PRIM2: variants seen among roughly 807,000 people sequenced by gnomAD.
PRIM2 encodes DNA primase large subunit.
Under a neutral mutation model 67.3 loss-of-function variants are expected in PRIM2, and 39 were observed. That is an observed-to-expected ratio of 0.58 (90% CI 0.45 to 0.76). The LOEUF is 0.76. Ranked by LOEUF, PRIM2 falls within the 30% of genes least tolerant of loss-of-function variation. The pLI is 0.00. For synonymous variants in PRIM2, 143 were observed against 198.7 expected, an observed-to-expected ratio of 0.72 and a Z score of 2.36; for missense variants, 398 against 598.7, an observed-to-expected ratio of 0.66 and a Z score of 3.50.
chr6:57,579,460 CTGTT>C (rs1468036576), intron 10 of PRIM2, among the ~76,000 whole-genome samples: 1 of 152,046 alleles, frequency 6.6e-6, no homozygotes, highest in East Asian at 1.9e-4. Flanking sequence ...TTTTGGTTGT[CTGTT>C]ATGTAGTAAT....
chr6:57,264,594 C>CTTTT, the PRIM2 span, among the ~76,000 whole-genome samples: 23 of 107,006 alleles, frequency 2.1e-4, no homozygotes, highest in Non-Finnish European at 3.3e-4. Flanking sequence ...AAGTCAAACG[C>CTTTT]TTTTTTTTTT....
chr6:57,499,096 A>G (rs1278492952), intron 7 of PRIM2, among the ~76,000 whole-genome samples: 1 of 152,186 alleles, frequency 6.6e-6, no homozygotes, highest in Non-Finnish European at 1.5e-5. Flanking sequence ...ACAAAGTGAA[A>G]TTCATTTATT....
At chr6:57,221,773 C>CTA in the PRIM2 span, 11 of 152,394 alleles carry the variant, frequency 7.2e-5, no homozygotes, top group African/African-American at 2.6e-4. Context: ...CGCCCACCTT[C>CTA]TCTAGCTGGA....
the PRIM2 span, among the ~76,000 whole-genome samples, chr6:57,253,516 G>C: frequency 6.6e-6 from 1 of 151,900 alleles, no homozygotes; most frequent in Admixed American, 6.6e-5. Flanking sequence ...TGTTCTACCT[G>C]GTACTGTAGT....
the PRIM2 span, among the ~76,000 whole-genome samples, chr6:57,273,832 T>C: frequency 6.6e-6 from 1 of 152,000 alleles, no homozygotes; most frequent in Non-Finnish European, 1.5e-5. Flanking sequence ...CGTTTGTTAG[T>C]TTTCCTTCTA....
At chr6:57,466,066 G>A (rs2127399681) in intron 7 of PRIM2, among the ~76,000 whole-genome samples, 1 of 152,010 alleles carries the variant, frequency 6.6e-6, no homozygotes, top group East Asian at 1.9e-4. Flanking sequence ...GTGAGAACAT[G>A]AGGTGTTTGG....
At chr6:57,454,691 C>T (rs2127392750) in intron 7 of PRIM2, among the ~76,000 whole-genome samples, 1 of 152,132 alleles carries the variant, frequency 6.6e-6, no homozygotes, top group East Asian at 1.9e-4. Flanking sequence ...CTTTATTAGT[C>T]TTGCTAGTGG....
At position 57,394,162 on chromosome 6, in the gene PRIM2, A is replaced by G. The variant is rs374410414; in HGVS notation, c.693+11994A>G. 1.6e-3 allele frequency among the ~76,000 whole-genome samples: 251 copies of G among 152,176 alleles called. 2 individuals carry two copies. The highest frequency in any genetic ancestry group is 4.7e-3 in the African/African-American group (195 of 41,464). On this transcript the variant is annotated intron_variant, in intron 7 of 13. Transcript: ENST00000615550. ...TATGCGGGCTCTTTTTTGGTTCCAT[A>G]TGAATTTTAGAATTGTTTTTTTCTA... is the stretch of plus-strand genomic sequence containing the variant.
chr6:57,587,641 G>A (rs1411658399), intron 10 of PRIM2, among the ~76,000 whole-genome samples: 3 of 118,372 alleles, frequency 2.5e-5, no homozygotes, highest in Admixed American at 2.2e-4. Flanking sequence ...TCCAGCCTGG[G>A]CAACAAGAGT....
the PRIM2 span, among the ~76,000 whole-genome samples, chr6:57,308,785 G>A: frequency 1.3e-3 from 202 of 152,052 alleles, 1 homozygote; most frequent in Middle Eastern, 3.4e-3. Flanking sequence ...ATTTACATAT[G>A]TTTATTTATC....
At chr6:57,307,545 GT>G in the PRIM2 span, among the ~76,000 whole-genome samples, 7 of 151,838 alleles carry the variant, frequency 4.6e-5, no homozygotes, top group East Asian at 1.2e-3. Context: ...GCCAAGGATG[GT>G]TTTTTTTGCA....
At chr6:57,489,462 C>T (rs1773832265) in intron 7 of PRIM2, among the ~76,000 whole-genome samples, 1 of 152,278 alleles carries the variant, frequency 6.6e-6, no homozygotes, top group Non-Finnish European at 1.5e-5. Context: ...GAGGCTGAGG[C>T]AGGAGAATGG....
intron 5 of PRIM2, among the ~76,000 whole-genome samples, chr6:57,331,032 C>T (rs182479981): frequency 6.6e-6 from 1 of 151,386 alleles, no homozygotes; most frequent in African/African-American, 2.4e-5. Context: ...AAAAAAATAC[C>T]AAAAAATTAG....
At chr6:57,391,307 G>A (rs1770337514) in intron 7 of PRIM2, among the ~76,000 whole-genome samples, 1 of 147,258 alleles carries the variant, frequency 6.8e-6, no homozygotes, top group Admixed American at 6.8e-5. Context: ...TAGTTTGCAA[G>A]TATTTTCTTC....
rs1776545239 is a variant in PRIM2 at position 57,605,540 on chromosome 6, A to G, written c.1148-835A>G. ...TTCCTGGAACTTAGTCATTTCCTCT[A>G]GATTTTCTAATTTGTGAAAAATGCA... On this transcript the variant is annotated intron_variant, in intron 11 of 13. Coordinates refer to ENST00000615550, the MANE Select transcript of PRIM2 (RefSeq NM_000947.5). Among the ~76,000 whole-genome samples, 4 of 152,270 alleles carry G rather than the reference A, an allele frequency of 2.6e-5. No individual in the cohort carries two copies. The South Asian group carries it at 8.3e-4, about 32-fold the overall frequency.
the PRIM2 span, among the ~76,000 whole-genome samples, chr6:57,284,068 A>G: frequency 3.9e-4 from 60 of 152,278 alleles, no homozygotes; most frequent in Admixed American, 3.6e-3. Context: ...CACTCTCCCC[A>G]TAAGTATCCT....
intron 5 of PRIM2, among the ~76,000 whole-genome samples, chr6:57,344,893 A>T (rs1422600265): frequency 6.6e-6 from 1 of 152,186 alleles, no homozygotes; most frequent in African/African-American, 2.4e-5. Flanking sequence ...CTATGGCTAA[A>T]TGTGAAACTT....
intron 7 of PRIM2, among the ~76,000 whole-genome samples, chr6:57,492,122 G>A (rs1773907049): frequency 6.6e-6 from 1 of 152,084 alleles, no homozygotes; most frequent in East Asian, 1.9e-4. Context: ...TTCCCTTACT[G>A]TCTGCCTAAA....
chr6:57,408,968 A>G (rs1310145563), intron 7 of PRIM2, among the ~76,000 whole-genome samples: 2 of 152,044 alleles, frequency 1.3e-5, no homozygotes, highest in African/African-American at 4.8e-5. Context: ...ATGTTGTTTC[A>G]TGTATTGGTA....
Sources: gnomAD v4.1 joint callset for allele counts (sites outside exome capture counted in the v4.1 genomes callset) on GRCh38, gnomAD v4.1.1 for gene constraint, MANE v1.5 for transcripts, NCBI Gene and HGNC (gene_info 2026-07-23, HGNC 2026-07-21) for gene names.